Variants in ABL1 observed in about 807,000 individuals in gnomAD.
ABL1 encodes tyrosine-protein kinase ABL1.
In ABL1, 11 loss-of-function variants were observed where a neutral mutation model predicts 94.7. The observed-to-expected ratio is 0.12, with a 90% CI of 0.07 to 0.19. The LOEUF is 0.19. ABL1 is among the 10% of genes least tolerant of loss of function. The probability of loss-of-function intolerance (pLI) is 1.00; values close to 1 mark genes in which losing one functional copy is unlikely to be tolerated. For missense variants in ABL1, 1,082 were observed against 1,489.4 expected, an observed-to-expected ratio of 0.73 and a Z score of 4.50; for synonymous variants, 656 against 622.4, an observed-to-expected ratio of 1.05 and a Z score of -0.80.
intron 1 of ABL1, among the ~76,000 whole-genome samples, chr9:130,796,260 T>C (rs1397298822): frequency 2.0e-5 from 3 of 152,202 alleles, no homozygotes. Context: ...CCATAGCTCA[T>C]GCCTATAATC....
intron 3 of ABL1, among the ~76,000 whole-genome samples, chr9:130,861,301 C>CCTTT (rs1160057405): frequency 6.6e-6 from 1 of 152,172 alleles, no homozygotes; most frequent in African/African-American, 2.4e-5. Flanking sequence ...AAAATGTGTG[C>CCTTT]CTTTGGCTTG....
intron 1 of ABL1, among the ~76,000 whole-genome samples, chr9:130,776,744 G>T (rs1432732969): frequency 6.6e-6 from 1 of 151,916 alleles, no homozygotes; most frequent in African/African-American, 2.4e-5. Context: ...CTGCTTAGAG[G>T]GGGCTCTTTA....
chr9:130,750,649 T>TCTTTTC (rs1438724837), intron 1 of ABL1, among the ~76,000 whole-genome samples: 9 of 125,246 alleles, frequency 7.2e-5, no homozygotes, highest in African/African-American at 2.8e-4. Flanking sequence ...TCTTTCTTTT[T>TCTTTTC]TTTTTTTTTT....
At chr9:130,738,929 C>G (rs1201011012) in intron 1 of ABL1, among the ~76,000 whole-genome samples, 1 of 152,180 alleles carries the variant, frequency 6.6e-6, no homozygotes, top group African/African-American at 2.4e-5. Flanking sequence ...GTCGCCCAGG[C>G]TGGAGTGCAG....
chr9:130,852,292 C>T (rs1161860324), intron 1 of ABL1, among the ~76,000 whole-genome samples: 8 of 152,076 alleles, frequency 5.3e-5, no homozygotes, highest in Non-Finnish European at 1.0e-4. Flanking sequence ...CAGACTCAAG[C>T]GATTCTCCTA....
At chr9:130,845,703 G>T (rs1588264369) in intron 1 of ABL1, among the ~76,000 whole-genome samples, 1 of 152,132 alleles carries the variant, frequency 6.6e-6, no homozygotes, top group South Asian at 2.1e-4. Context: ...CGAATAAAGA[G>T]ACAGTTATTT....
chr9:130,719,331 C>T (rs780274526), intron 1 of ABL1, among the ~76,000 whole-genome samples: 1 of 152,090 alleles, frequency 6.6e-6, no homozygotes, highest in Non-Finnish European at 1.5e-5. Context: ...GAGTTTGAGA[C>T]CAGCTTGACC....
intron 7 of ABL1, 147 bp from the exon 8 acceptor site, chr9:130,878,268 T>C: frequency 1.1e-6 from 1 of 937,744 alleles, no homozygotes; most frequent in Non-Finnish European, 1.6e-6. Context: ...GGTCTTCTGA[T>C]GATAAAGAGC....
At chr9:130,826,654 T>C (rs1282604381) in intron 1 of ABL1, among the ~76,000 whole-genome samples, 1 of 152,124 alleles carries the variant, frequency 6.6e-6, no homozygotes, top group Non-Finnish European at 1.5e-5. Flanking sequence ...GGATGAGGCC[T>C]GAAGCTGAAA....
intron 1 of ABL1, among the ~76,000 whole-genome samples, chr9:130,756,578 C>T (rs572445480): frequency 2.0e-5 from 3 of 152,236 alleles, no homozygotes; most frequent in African/African-American, 7.2e-5. Context: ...GGATTCTGCT[C>T]ACTGTGTTTA....
intron 4 of ABL1, among the ~76,000 whole-genome samples, chr9:130,866,989 T>A (rs1198072523): frequency 6.6e-6 from 1 of 152,210 alleles, no homozygotes; most frequent in Non-Finnish European, 1.5e-5. Flanking sequence ...AGGCTGCAAT[T>A]TTTTAATGAA....
chr9:130,735,079 G>A (rs1000526081), intron 1 of ABL1, among the ~76,000 whole-genome samples: 1 of 152,014 alleles, frequency 6.6e-6, no homozygotes, highest in Admixed American at 6.6e-5. Flanking sequence ...GCCCAGGCTG[G>A]AGTGCAATGG....
chr9:130,765,606 G>C (rs556323250), intron 1 of ABL1, among the ~76,000 whole-genome samples: 1 of 152,234 alleles, frequency 6.6e-6, no homozygotes, highest in African/African-American at 2.4e-5. Context: ...TACTGGGTAC[G>C]TCAGTGTACC....
At chr9:130,767,386 C>T (rs1832196830) in intron 1 of ABL1, among the ~76,000 whole-genome samples, 1 of 150,582 alleles carries the variant, frequency 6.6e-6, no homozygotes, top group Non-Finnish European at 1.5e-5. Context: ...CCAGGCTGGA[C>T]TGCAGTGACA....
intron 1 of ABL1, among the ~76,000 whole-genome samples, chr9:130,776,109 A>C (rs1832307506): frequency 6.6e-6 from 1 of 152,254 alleles, no homozygotes; most frequent in Non-Finnish European, 1.5e-5. Context: ...AATGTCTGCA[A>C]TGCAAGAAAG....
intron 1 of ABL1, among the ~76,000 whole-genome samples, chr9:130,803,330 G>A (rs1588244713): frequency 6.6e-6 from 1 of 152,094 alleles, no homozygotes; most frequent in Non-Finnish European, 1.5e-5. Context: ...GAGCCACTGC[G>A]CCCAGCCGGC....
chr9:130,775,748 A>T (rs77401879), intron 1 of ABL1, among the ~76,000 whole-genome samples: 1 of 145,052 alleles, frequency 6.9e-6, no homozygotes, highest in Admixed American at 6.9e-5. Flanking sequence ...ACGTGGAATT[A>T]AAAAAAAAAA....
intron 4 of ABL1, among the ~76,000 whole-genome samples, chr9:130,868,513 TC>T (rs1052994803): frequency 7.0e-6 from 1 of 142,502 alleles, no homozygotes; most frequent in African/African-American, 3.0e-5. Context: ...ATTTCTTTTT[TC>T]TTTTTCTTTT....
chr9:130,866,509 T>TTC (rs906955471), intron 4 of ABL1, among the ~76,000 whole-genome samples: 1 of 152,174 alleles, frequency 6.6e-6, no homozygotes, highest in Non-Finnish European at 1.5e-5. Context: ...TCCAGCCTGT[T>TTC]TCCTATCGCT....
Sources: gnomAD v4.1 joint callset for allele counts (sites outside exome capture counted in the v4.1 genomes callset) on GRCh38, gnomAD v4.1.1 for gene constraint, MANE v1.5 for transcripts, NCBI Gene and HGNC (gene_info 2026-07-23, HGNC 2026-07-21) for gene names.